Variants in TNIP3 observed in about 807,000 individuals in gnomAD.
TNIP3 encodes TNFAIP3 interacting protein 3.
Under a neutral mutation model 54.1 loss-of-function variants are expected in TNIP3, and 34 were observed. The ratio of observed to expected loss-of-function variants is 0.63; its 90% CI spans 0.48 to 0.84. The LOEUF (loss-of-function observed/expected upper bound fraction) is 0.84, where lower values mean the gene tolerates loss of function less well. Among genes scored for constraint, TNIP3 ranks in the 40% least tolerant of loss-of-function variants. The pLI, the probability that TNIP3 is intolerant of heterozygous loss-of-function variation, is 0.00. For missense variants in TNIP3, 366 were observed against 387.6 expected, an observed-to-expected ratio of 0.94 and a Z score of 0.47; for synonymous variants, 134 against 136.8, an observed-to-expected ratio of 0.98 and a Z score of 0.14.
At chr4:121,203,250 T>TAGATAGATAGAC (rs1553936851) in intron 2 of TNIP3, among the ~76,000 whole-genome samples, 1 of 151,752 alleles carries the variant, frequency 6.6e-6, no homozygotes, top group Non-Finnish European at 1.5e-5. Flanking sequence ...GATAGATAGA[T>TAGATAGATAGAC]AGATAGATAG....
At chr4:121,226,364 A>G (rs1412092158) in intron 1 of TNIP3, among the ~76,000 whole-genome samples, 2 of 152,344 alleles carry the variant, frequency 1.3e-5, no homozygotes, top group East Asian at 1.9e-4. Context: ...TTCTGATATA[A>G]AAAATACACT....
intron 7 of TNIP3, among the ~76,000 whole-genome samples, chr4:121,145,028 A>T (rs1477158434): frequency 2.0e-5 from 3 of 152,152 alleles, no homozygotes; most frequent in African/African-American, 7.2e-5. Flanking sequence ...TTACCACATT[A>T]CTTATTTTCA....
At chr4:121,168,208 C>T (rs148675951), upstream of TNIP3, among the ~76,000 whole-genome samples, 5 of 151,994 alleles carry the variant, frequency 3.3e-5, no homozygotes, top group East Asian at 1.9e-4. Context: ...TTTTTTCTTT[C>T]TTTTTTCTTT....
At chr4:121,175,588 T>A (rs1264860578) in intron 3 of TNIP3, among the ~76,000 whole-genome samples, 1 of 152,180 alleles carries the variant, frequency 6.6e-6, no homozygotes, top group Non-Finnish European at 1.5e-5. Flanking sequence ...ACAATCTGCA[T>A]CTCCCAGTTT....
chr4:121,180,401 GA>G (rs543417416), intron 3 of TNIP3, among the ~76,000 whole-genome samples: 4 of 148,882 alleles, frequency 2.7e-5, no homozygotes, highest in Non-Finnish European at 3.0e-5. Flanking sequence ...CTCCGCCTCA[GA>G]AAAAAAAAAT....
chr4:121,171,346 T>C (rs1430032709), intron 3 of TNIP3, among the ~76,000 whole-genome samples: 2 of 152,132 alleles, frequency 1.3e-5, no homozygotes, highest in African/African-American at 4.8e-5. Context: ...CATGAGTTGA[T>C]GGATTAAAAG....
At chr4:121,171,052 G>T (rs181838842) in intron 3 of TNIP3, among the ~76,000 whole-genome samples, 58 of 152,266 alleles carry the variant, frequency 3.8e-4, no homozygotes, top group African/African-American at 1.4e-3. Flanking sequence ...TTGACCTCAG[G>T]TGATCTGCCC....
At chr4:121,184,291 T>C (rs549480287) in intron 2 of TNIP3, among the ~76,000 whole-genome samples, 18 of 152,352 alleles carry the variant, frequency 1.2e-4, no homozygotes, top group African/African-American at 4.1e-4. Context: ...CCTAATCAAA[T>C]GCCTGTATGG....
At chr4:121,176,589 G>A (rs551309793) in intron 3 of TNIP3, among the ~76,000 whole-genome samples, 35 of 151,754 alleles carry the variant, frequency 2.3e-4, no homozygotes, top group Admixed American at 7.2e-4. Context: ...TATATTTACA[G>A]GGTGCACTTT....
chr4:121,197,009 A>G (rs1171793361), intron 2 of TNIP3, among the ~76,000 whole-genome samples: 1 of 152,176 alleles, frequency 6.6e-6, no homozygotes, highest in Non-Finnish European at 1.5e-5. Flanking sequence ...AAGAACAAAC[A>G]CAAATAGACT....
chr4:121,161,928 G>A (rs1730479362), intron 1 of TNIP3, among the ~76,000 whole-genome samples: 1 of 152,048 alleles, frequency 6.6e-6, no homozygotes, highest in African/African-American at 2.4e-5. Context: ...AATCGACTAA[G>A]AACAATATTT....
At chr4:121,205,256 T>G (rs556369154) in intron 2 of TNIP3, among the ~76,000 whole-genome samples, 1 of 152,180 alleles carries the variant, frequency 6.6e-6, no homozygotes, top group Non-Finnish European at 1.5e-5. Context: ...ATGTGGCTTA[T>G]TGGGGAAAGA....
At chr4:121,189,959 T>C (rs1725216816) in intron 2 of TNIP3, among the ~76,000 whole-genome samples, 1 of 152,100 alleles carries the variant, frequency 6.6e-6, no homozygotes, top group African/African-American at 2.4e-5. Flanking sequence ...AGGAGGACCG[T>C]GCAGGCAGAG....
At chr4:121,198,303 A>G (rs1725708493) in intron 2 of TNIP3, among the ~76,000 whole-genome samples, 1 of 152,250 alleles carries the variant, frequency 6.6e-6, no homozygotes, top group Non-Finnish European at 1.5e-5. Context: ...CCTTCATTGT[A>G]AAGAATTGCA....
At chr4:121,147,551 G>A (rs1432977703) in intron 6 of TNIP3, among the ~76,000 whole-genome samples, 2 of 152,200 alleles carry the variant, frequency 1.3e-5, no homozygotes, top group African/African-American at 4.8e-5. Context: ...TATTTTGGAT[G>A]TATCTCATAA....
chr4:121,177,734 C>G (rs958778909), intron 3 of TNIP3, among the ~76,000 whole-genome samples: 4 of 152,122 alleles, frequency 2.6e-5, no homozygotes, highest in African/African-American at 7.2e-5. Context: ...ATATTTTTTC[C>G]CTTTCTATCA....
At chr4:121,194,099 T>G (rs1725441498) in intron 2 of TNIP3, among the ~76,000 whole-genome samples, 1 of 152,132 alleles carries the variant, frequency 6.6e-6, no homozygotes, top group Admixed American at 6.5e-5. Flanking sequence ...GAGGATTAGA[T>G]GTAGTAGTGT....
intron 9 of TNIP3, 73 bp downstream of exon 9, chr4:121,141,743 G>A (rs890425673): frequency 2.8e-6 from 3 of 1,055,270 alleles, no homozygotes; most frequent in African/African-American, 1.6e-5. Context: ...ATAATGTGCT[G>A]AAATTCCAGA....
chr4:121,168,520 G>C (rs10007399), upstream of TNIP3, among the ~76,000 whole-genome samples: 1 of 136,186 alleles, frequency 7.3e-6, no homozygotes, highest in Non-Finnish European at 1.6e-5. Flanking sequence ...TCTTTTCTTT[G>C]CTTTTTTTTT....
Sources: gnomAD v4.1 joint callset for allele counts (sites outside exome capture counted in the v4.1 genomes callset) on GRCh38, gnomAD v4.1.1 for gene constraint, MANE v1.5 for transcripts, NCBI Gene and HGNC (gene_info 2026-07-23, HGNC 2026-07-21) for gene names.